The following NBEA variants were observed in gnomAD, a reference collection of about 807,000 sequenced individuals.
NBEA encodes the protein neurobeachin, also known as lysosomal-trafficking regulator 2.
A neutral mutation model predicts 343.4 loss-of-function variants in NBEA; 44 were observed. The observed-to-expected ratio is 0.13, with a 90% CI of 0.10 to 0.16. The LOEUF is 0.16. Ranked by LOEUF, NBEA falls within the 10% of genes least tolerant of loss-of-function variation. NBEA has a pLI of 1.00. For missense variants in NBEA, 2,555 were observed against 3,631.3 expected (o/e 0.70, Z 7.62); for synonymous variants, 1,175 against 1,238.7 (o/e 0.95, Z 1.08).
chr13:34,985,321 G>A (rs2060506868), intron 1 of NBEA, among the ~76,000 whole-genome samples: 1 of 150,974 alleles, frequency 6.6e-6, no homozygotes, highest in Non-Finnish European at 1.5e-5. Flanking sequence ...CGTTGGTTCT[G>A]TTTATGTGAT....
chr13:34,956,607 T>C (rs998518636), intron 1 of NBEA, among the ~76,000 whole-genome samples: 18 of 152,192 alleles, frequency 1.2e-4, no homozygotes, highest in South Asian at 2.1e-4. Flanking sequence ...AAAAATCAAA[T>C]TGGGGTAGTT....
intron 39 of NBEA, among the ~76,000 whole-genome samples, chr13:35,438,021 A>C (rs943771269): frequency 6.6e-6 from 1 of 152,140 alleles, no homozygotes; most frequent in East Asian, 1.9e-4. Flanking sequence ...TCAAAACCTA[A>C]GACTGCAAGC....
chr13:35,405,879 A>G (rs563974188), intron 38 of NBEA, among the ~76,000 whole-genome samples: 4 of 152,298 alleles, frequency 2.6e-5, no homozygotes, highest in Middle Eastern at 3.4e-3. Flanking sequence ...CTATTTCACA[A>G]GTAATTTTAC....
intron 41 of NBEA, among the ~76,000 whole-genome samples, chr13:35,510,134 T>A (rs1382896032): frequency 6.6e-6 from 1 of 152,168 alleles, no homozygotes; most frequent in East Asian, 1.9e-4. Context: ...GACTCCAGAA[T>A]TTCTGTGTAG....
rs374564161 is a variant in NBEA at position 35,491,721 on chromosome 13, G to T, written c.6585+19185G>T. ...GGTTATCTGAGGCAATATAGAATGA[G>T]AAAAAGTACAAGGAATTATGCTAGG... is the stretch of plus-strand genomic sequence containing the variant. On this transcript the variant is annotated intron_variant, in intron 41 of 58. Coordinates refer to ENST00000379939, the MANE Select transcript of NBEA (RefSeq NM_001385012.1). Among the ~76,000 whole-genome samples, 5 of 151,928 alleles carry T rather than the reference G, an allele frequency of 3.3e-5. No individual in the cohort carries two copies. In the East Asian group the frequency reaches 5.9e-4, roughly 18 times the overall value.
At chr13:35,126,024 T>C (rs1219489007) in intron 17 of NBEA, among the ~76,000 whole-genome samples, 1 of 152,076 alleles carries the variant, frequency 6.6e-6, no homozygotes, top group Non-Finnish European at 1.5e-5. Flanking sequence ...GTTAACATAG[T>C]GATATGGTTT....
At chr13:35,652,614 C>G (rs1259169271) in intron 53 of NBEA, among the ~76,000 whole-genome samples, 1 of 141,838 alleles carries the variant, frequency 7.1e-6, no homozygotes, top group Non-Finnish European at 1.5e-5. Flanking sequence ...GCACTCCAGC[C>G]TGGGTGACAG....
rs931658692 is a variant in NBEA at position 35,372,436 on chromosome 13, T to C, written c.6179+20113T>C. Among the ~76,000 whole-genome samples, 11 of 152,242 alleles carry C rather than the reference T, an allele frequency of 7.2e-5. No homozygotes were observed. In the South Asian group the frequency reaches 2.1e-3, roughly 29 times the overall value. The stretch of plus-strand genomic sequence containing the variant: ...ATCTCCAGGCCTCCAGAGAGTGTCC[T>C]TGGGCACTGGGGAGGGCAGATCCAG... On this transcript the variant is annotated intron_variant, in intron 38 of 58. Transcript: ENST00000379939.
At chr13:35,147,876 G>A (rs867142984) in intron 18 of NBEA, among the ~76,000 whole-genome samples, 2 of 152,124 alleles carry the variant, frequency 1.3e-5, no homozygotes, top group Admixed American at 6.6e-5. Context: ...CAATATTTGA[G>A]TCCATTTCTT....
chr13:35,006,884 C>G (rs953461081), intron 1 of NBEA, among the ~76,000 whole-genome samples: 1 of 152,210 alleles, frequency 6.6e-6, no homozygotes, highest in African/African-American at 2.4e-5. Context: ...TCTCGAATAG[C>G]TGGGATTACA....
At chr13:35,137,557 A>G (rs905042605) in intron 17 of NBEA, among the ~76,000 whole-genome samples, 7 of 152,100 alleles carry the variant, frequency 4.6e-5, no homozygotes, top group South Asian at 4.1e-4. Context: ...TGTGAGTAAA[A>G]TTACATTTGA....
intron 33 of NBEA, among the ~76,000 whole-genome samples, chr13:35,215,385 T>C (rs2074009746): frequency 6.6e-6 from 1 of 151,748 alleles, no homozygotes; most frequent in African/African-American, 2.4e-5. Flanking sequence ...TTCTAAATTT[T>C]CATGTGTTTG....
At chr13:35,563,354 C>G (rs879620068) in intron 44 of NBEA, among the ~76,000 whole-genome samples, 1 of 151,830 alleles carries the variant, frequency 6.6e-6, no homozygotes, top group Non-Finnish European at 1.5e-5. Flanking sequence ...TTGGAAATAA[C>G]TCATTTTTTG....
chr13:35,042,036 GA>G (rs1306427688), intron 2 of NBEA, among the ~76,000 whole-genome samples: 1 of 151,778 alleles, frequency 6.6e-6, no homozygotes, highest in Non-Finnish European at 1.5e-5. Flanking sequence ...AGATACCAGA[GA>G]ATACTCTTTT....
chr13:35,186,942 C>G (rs1157488346), intron 30 of NBEA, among the ~76,000 whole-genome samples: 1 of 151,596 alleles, frequency 6.6e-6, no homozygotes, highest in Non-Finnish European at 1.5e-5. Flanking sequence ...TTATGTCTGC[C>G]TAATCAAATA....
chr13:35,052,586 A>G (rs1317721895), intron 6 of NBEA, among the ~76,000 whole-genome samples: 1 of 151,774 alleles, frequency 6.6e-6, no homozygotes, highest in Non-Finnish European at 1.5e-5. Context: ...TATATACATA[A>G]TATCACTATG....
chr13:34,955,886 T>C (rs910015863), intron 1 of NBEA, among the ~76,000 whole-genome samples: 7 of 152,158 alleles, frequency 4.6e-5, no homozygotes, highest in African/African-American at 1.7e-4. Flanking sequence ...CAAATGCTAA[T>C]CTCATTCAAA....
chr13:35,068,059 A>G (rs2063721326), intron 8 of NBEA, among the ~76,000 whole-genome samples: 2 of 152,230 alleles, frequency 1.3e-5, no homozygotes, highest in African/African-American at 4.8e-5. Flanking sequence ...AAATTTAAAG[A>G]CATAGAAATA....
At chr13:35,448,670 T>C (rs1436452157) in intron 39 of NBEA, among the ~76,000 whole-genome samples, 1 of 152,162 alleles carries the variant, frequency 6.6e-6, no homozygotes, top group Non-Finnish European at 1.5e-5. Flanking sequence ...AGTTACAATA[T>C]CTATAAATTA....
Sources: allele counts gnomAD v4.1 joint callset (sites outside exome capture counted in the v4.1 genomes callset), GRCh38; gene constraint gnomAD v4.1.1; transcripts MANE v1.5; gene names NCBI Gene and HGNC (gene_info 2026-07-23, HGNC 2026-07-21).